The following POGZ variants were observed in gnomAD, a reference collection of about 807,000 sequenced individuals.
POGZ encodes pogo transposable element with ZNF domain.
Under a neutral mutation model 134.6 loss-of-function variants are expected in POGZ, and 17 were observed. That is an observed-to-expected ratio of 0.13 (90% CI 0.09 to 0.19). POGZ has a LOEUF of 0.19. Among genes scored for constraint, POGZ ranks in the 10% least tolerant of loss-of-function variants. The pLI, the probability that POGZ is intolerant of heterozygous loss-of-function variation, is 1.00. For synonymous variants in POGZ, 693 were observed against 657.1 expected, an observed-to-expected ratio of 1.05 and a Z score of -0.84; for missense variants, 1,306 against 1,769.7, an observed-to-expected ratio of 0.74 and a Z score of 4.70.
intron 8 of POGZ, chr1:151,424,495 C>G: frequency 2.3e-6 from 1 of 437,492 alleles, no homozygotes; most frequent in Non-Finnish European, 4.0e-6. Context: ...TTGTATTTCT[C>G]CCTCCTGCCT....
intron 10 of POGZ, among the ~76,000 whole-genome samples, chr1:151,418,988 G>C (rs534192589): frequency 3.2e-5 from 4 of 124,554 alleles, no homozygotes; most frequent in Non-Finnish European, 4.7e-5. Context: ...TTGTGCCACC[G>C]TACTCCAGCA....
chr1:151,416,461 C>G (rs1488934071), intron 10 of POGZ, among the ~76,000 whole-genome samples: 5 of 152,008 alleles, frequency 3.3e-5, no homozygotes, highest in Admixed American at 6.6e-5. Flanking sequence ...GTGATTGCGT[C>G]ACTGCATTCC....
chr1:151,428,139 G>T lies in POGZ; in HGVS notation c.843C>A (p.Thr281=). 6.2e-7 allele frequency: 1 copy of T among 1,614,118 alleles called. No homozygotes were observed. The highest frequency in any genetic ancestry group is 8.5e-7 in the Non-Finnish European group (1 of 1,179,992). The change falls in exon 6 of 19, where the codon ACC becomes ACA. Residue 281 remains threonine (T), a synonymous_variant. Coordinates refer to ENST00000271715, the MANE Select transcript of POGZ (RefSeq NM_015100.4). ...AAGCCTTACCTAGCTTGGGATTCGT[G>T]GTCTGGTTTGACTGGCCTGGAGACT... The part of the protein sequence containing the change: ...AVQSPGQSNQ[T]TNPKLAPSFP...
At chr1:151,420,144 C>T (rs763517869) in intron 10 of POGZ, among the ~76,000 whole-genome samples, 1 of 152,004 alleles carries the variant, frequency 6.6e-6, no homozygotes, top group East Asian at 1.9e-4. Flanking sequence ...GCTAAGATTG[C>T]GTCACTGCAC....
chr1:151,440,677 C>T (rs1190186835), intron 3 of POGZ, among the ~76,000 whole-genome samples: 3 of 152,130 alleles, frequency 2.0e-5, no homozygotes, highest in Non-Finnish European at 4.4e-5. Context: ...CATTTTCTCT[C>T]CAAGAAATTA....
chr1:151,413,739 G>C lies in POGZ; in HGVS notation c.1679-1343C>G, dbSNP rs1042910622. Among the ~76,000 whole-genome samples, 2 of 151,832 alleles carry C rather than the reference G, an allele frequency of 1.3e-5. 1 individual carries two copies. Among genetic ancestry groups the C allele is most frequent in the Non-Finnish European group, 2.9e-5 (2 of 67,964 alleles). Reference sequence around the variant, plus strand: ...CTGTCTCGCACGCTAGAGCGCAGTGGCTCAATCATGGCTCACTGCAACCCT... The same window carrying C: ...CTGTCTCGCACGCTAGAGCGCAGTGCCTCAATCATGGCTCACTGCAACCCT... On this transcript the variant is annotated intron_variant, in intron 10 of 18. Coordinates refer to ENST00000271715, the MANE Select transcript of POGZ (RefSeq NM_015100.4).
intron 9 of POGZ, 61 bp from the exon 10 acceptor site, chr1:151,423,612 T>C: frequency 7.5e-7 from 1 of 1,340,738 alleles, no homozygotes; most frequent in South Asian, 1.3e-5. Flanking sequence ...CTTTTAGAAA[T>C]ATAATGGTAA....
intron 3 of POGZ, among the ~76,000 whole-genome samples, chr1:151,436,618 T>C (rs568082990): frequency 7.9e-5 from 12 of 152,300 alleles, no homozygotes; most frequent in East Asian, 3.9e-4. Flanking sequence ...TAATTTTGTA[T>C]GTCTGGCTTC....
rs1468253653 is a variant in POGZ, at chr1:151,446,269, A to AC, written c.-1-4065_-1-4064insG. Among the ~76,000 whole-genome samples, 37 of 134,592 alleles carry AC rather than the reference A, an allele frequency of 2.7e-4. No homozygotes were observed. The East Asian group carries it at 4.7e-3, about 17-fold the overall frequency. The allele number at this position is 134,592 out of a possible 152,430, so 88.3% of individuals were successfully genotyped here. The stretch of plus-strand genomic sequence containing the variant: ...TTCTCATAAGGAAAAAAAAAAAAAA[A>AC]AAAAACGAATTTTATTCCCTCTTCC... On this transcript the variant is annotated intron_variant, in intron 1 of 18. Transcript: ENST00000271715.
chr1:151,433,718 T>C (rs186361448), intron 3 of POGZ, among the ~76,000 whole-genome samples: 7 of 152,022 alleles, frequency 4.6e-5, no homozygotes, highest in Non-Finnish European at 1.0e-4. Context: ...AGCCAGACTA[T>C]GGAAAGTCAT....
At chr1:151,418,327 A>G (rs1656152480) in intron 10 of POGZ, among the ~76,000 whole-genome samples, 1 of 152,200 alleles carries the variant, frequency 6.6e-6, no homozygotes, top group African/African-American at 2.4e-5. Flanking sequence ...AAGTGAAGTA[A>G]GCCAAGCACA....
chr1:151,429,448 A>T (rs568022942), intron 5 of POGZ, 155 bp downstream of exon 5: 1 of 428,640 alleles, frequency 2.3e-6, no homozygotes, highest in South Asian at 4.3e-5. Flanking sequence ...AAAGGTTAGA[A>T]GCAGATTTTT....
intron 17 of POGZ, 56 bp downstream of exon 17, chr1:151,406,855 G>A (rs1293796175): frequency 2.1e-5 from 28 of 1,330,698 alleles, no homozygotes; most frequent in South Asian, 2.4e-5. Context: ...CATACAGTAC[G>A]AACCTGTATC....
At chr1:151,451,283 A>G (rs1308872543) in intron 1 of POGZ, among the ~76,000 whole-genome samples, 3 of 151,330 alleles carry the variant, frequency 2.0e-5, no homozygotes, top group Non-Finnish European at 2.9e-5. Context: ...TATTACTGAC[A>G]ATAATATTTA....
At chr1:151,418,123 G>A (rs1037566478) in intron 10 of POGZ, among the ~76,000 whole-genome samples, 2 of 152,012 alleles carry the variant, frequency 1.3e-5, no homozygotes, top group African/African-American at 4.8e-5. Context: ...GGCTAAGGCA[G>A]GAGAATCACT....
chr1:151,440,781 C>T (rs1660402445), intron 3 of POGZ, 147 bp downstream of exon 3: 2 of 630,288 alleles, frequency 3.2e-6, no homozygotes, highest in African/African-American at 3.6e-5. Context: ...GAAATCACTT[C>T]CGTATCAGAG....
Position 151,406,451 on chromosome 1 carries a change from G to A in POGZ, c.2584C>T (p.Arg862Cys), listed in dbSNP as rs749315555. 7.7e-6 allele frequency: 12 copies of A among 1,550,026 alleles called. No homozygotes were observed. The highest frequency in any genetic ancestry group is 4.1e-5 in the African/African-American group (3 of 72,490). ...ACGTTCCGGTCATGCACTCGGTCAC[G>A]AGTCTGGCCATGCCTAAAGGGGTGA... Reference protein sequence around the residue: ...WIAHSRHGQTRDRVHDRNVKN... With the variant: ...WIAHSRHGQTCDRVHDRNVKN... The change falls in exon 19 of 19, where the codon CGT becomes TGT. Residue 862 changes from arginine to cysteine, a missense_variant. Coordinates refer to ENST00000271715, the MANE Select transcript of POGZ (RefSeq NM_015100.4).
chr1:151,408,283 G>C, intron 14 of POGZ, 43 bp from the exon 15 acceptor site: 1 of 1,600,132 alleles, frequency 6.2e-7, no homozygotes, highest in Non-Finnish European at 8.5e-7. Flanking sequence ...CTGCCTCATG[G>C]GTCCCCAAAA....
At chr1:151,410,809 T>C (rs1654531391) in intron 12 of POGZ, among the ~76,000 whole-genome samples, 1 of 152,160 alleles carries the variant, frequency 6.6e-6, no homozygotes, top group South Asian at 2.1e-4. Flanking sequence ...TTTCAGCAAA[T>C]AGTTCCCTCA....
Sources: gnomAD v4.1 joint callset for allele counts (sites outside exome capture counted in the v4.1 genomes callset) on GRCh38, gnomAD v4.1.1 for gene constraint, MANE v1.5 for transcripts, NCBI Gene and HGNC (gene_info 2026-07-23, HGNC 2026-07-21) for gene names.